Variants in AFF3 observed in about 807,000 individuals in gnomAD.
AFF3 encodes the protein AF4/FMR2 family member 3.
A neutral mutation model predicts 129.7 loss-of-function variants in AFF3; 32 were observed. The observed-to-expected ratio is 0.25, with a 90% CI of 0.19 to 0.33. The LOEUF (loss-of-function observed/expected upper bound fraction) is 0.33. AFF3 is among the 10% of genes least tolerant of loss of function. The pLI is 1.00. For synonymous variants in AFF3, 644 were observed against 635.4 expected, an observed-to-expected ratio of 1.01 and a Z score of -0.20; for missense variants, 1,373 against 1,592.0, an observed-to-expected ratio of 0.86 and a Z score of 2.34.
At chr2:100,061,396 A>G (rs1265839694) in intron 4 of AFF3, among the ~76,000 whole-genome samples, 2 of 152,144 alleles carry the variant, frequency 1.3e-5, no homozygotes, top group African/African-American at 2.4e-5. Context: ...CAGTGGCTGT[A>G]ATGGCTTCCT....
chr2:99,643,114 C>T (rs1231940939), intron 13 of AFF3, among the ~76,000 whole-genome samples: 3 of 127,640 alleles, frequency 2.4e-5, no homozygotes, highest in Non-Finnish European at 3.1e-5. Context: ...GGCTGGAGTG[C>T]AATGGTGTGA....
chr2:99,963,142 T>G (rs1395784948), intron 7 of AFF3, among the ~76,000 whole-genome samples: 1 of 151,994 alleles, frequency 6.6e-6, no homozygotes, highest in Non-Finnish European at 1.5e-5. Context: ...TCCCTGACAT[T>G]TGTCAAATAC....
chr2:99,902,206 T>C (rs1694391466), intron 7 of AFF3, among the ~76,000 whole-genome samples: 1 of 151,898 alleles, frequency 6.6e-6, no homozygotes, highest in Admixed American at 6.6e-5. Flanking sequence ...CTTTAATAAA[T>C]AGTATAAATA....
intron 11 of AFF3, among the ~76,000 whole-genome samples, chr2:99,709,192 C>T (rs899821484): frequency 3.3e-5 from 5 of 152,280 alleles, no homozygotes; most frequent in African/African-American, 9.6e-5. Context: ...GAGTTCAAGG[C>T]CAGCCCAGGC....
intron 2 of AFF3, chr2:100,105,791 A>G: frequency 1.5e-6 from 2 of 1,355,194 alleles, no homozygotes; most frequent in Non-Finnish European, 2.0e-6. Context: ...TCTTGGCCAC[A>G]GCTCCGGATT....
intron 11 of AFF3, among the ~76,000 whole-genome samples, chr2:99,696,047 T>C (rs988091730): frequency 3.3e-5 from 5 of 150,000 alleles, no homozygotes; most frequent in Admixed American, 3.3e-4. Context: ...TAGTCATCCC[T>C]TTCCCAAGAA....
At chr2:99,840,864 G>A (rs1309437618) in intron 7 of AFF3, among the ~76,000 whole-genome samples, 2 of 152,154 alleles carry the variant, frequency 1.3e-5, no homozygotes. Context: ...CGTTCATGGT[G>A]GGAATGAGTG....
intron 13 of AFF3, among the ~76,000 whole-genome samples, chr2:99,616,121 T>G (rs1265291776): frequency 6.6e-6 from 1 of 152,218 alleles, no homozygotes; most frequent in Admixed American, 6.5e-5. Flanking sequence ...GAGGCTCTAC[T>G]GTGAGGAACA....
At chr2:99,660,729 C>A (rs182883895) in intron 12 of AFF3, among the ~76,000 whole-genome samples, 2 of 152,210 alleles carry the variant, frequency 1.3e-5, no homozygotes, top group Non-Finnish European at 2.9e-5. Context: ...GGTTTTCTAG[C>A]GTGCAGATGA....
Position 99,551,416 on chromosome 2 carries a change from C to T in AFF3, c.*58G>A. On this transcript the variant is annotated 3_prime_UTR_variant, in exon 25 of 25. Coordinates refer to ENST00000672756, the MANE Select transcript of AFF3 (RefSeq NM_001386135.1). ...CTGGGAGTTTCAGTAGCACAGTGTC[C>T]AAAAACGTTGAGCCATCTGTGGAGA... is the stretch of plus-strand genomic sequence containing the variant. 1 of 1,605,104 alleles carries T rather than the reference C, an allele frequency of 6.2e-7. No individual in the cohort carries two copies. Among genetic ancestry groups the T allele is most frequent in the South Asian group, 1.1e-5 (1 of 90,570 alleles).
At chr2:99,611,541 A>G (rs1558644455) in intron 13 of AFF3, among the ~76,000 whole-genome samples, 1 of 152,002 alleles carries the variant, frequency 6.6e-6, no homozygotes, top group Non-Finnish European at 1.5e-5. Flanking sequence ...GCTGATGGAG[A>G]GGGGGCCACA....
rs572277423 is a variant in AFF3 at position 100,133,215 on chromosome 2, G to A, written c.-227-3909C>T. Among the ~76,000 whole-genome samples, 3 of 151,944 alleles carry A rather than the reference G, an allele frequency of 2.0e-5. No homozygotes were observed. In the East Asian group the frequency reaches 5.9e-4, roughly 30 times the overall value. On this transcript the variant is annotated intron_variant, in intron 1 of 24. Coordinates refer to ENST00000672756, the MANE Select transcript of AFF3 (RefSeq NM_001386135.1). ...CAGGAGTTGGAGGCTGCAGTGAACT[G>A]TGATCACCACTGCACTCCAGCCTGG... is the stretch of plus-strand genomic sequence containing the variant.
At position 100,129,259 on chromosome 2, in the gene AFF3, T is replaced by G. The variant is rs2105582420; in HGVS notation, c.-180A>C. 1 of 152,352 alleles carries G rather than the reference T, an allele frequency of 6.6e-6. No individual in the cohort carries two copies. Among genetic ancestry groups the G allele is most frequent in the South Asian group, 2.1e-4 (1 of 4,830 alleles). The allele number at this position is 152,352 out of a possible 1,614,324, so 9.4% of individuals were successfully genotyped here. A position where few individuals can be genotyped will look rare whatever the true frequency, so the allele number is the denominator to read the frequency against. ...GTTACTCCGGATTGATGCTTCCCGA[T>G]GTAAACAATGGCTGATCGTAAGGTC... On this transcript the variant is annotated 5_prime_UTR_variant, in exon 2 of 25. Coordinates refer to ENST00000672756, the MANE Select transcript of AFF3 (RefSeq NM_001386135.1).
chr2:100,026,727 A>G (rs893426210), intron 4 of AFF3, among the ~76,000 whole-genome samples: 4 of 148,250 alleles, frequency 2.7e-5, no homozygotes, highest in African/African-American at 9.8e-5. Flanking sequence ...ATATATATAT[A>G]TATAATGGAA....
chr2:99,714,046 C>T lies in AFF3; in HGVS notation c.1091+13031G>A, dbSNP rs117860913. Among the ~76,000 whole-genome samples, 105 of 152,200 alleles carry T rather than the reference C, an allele frequency of 6.9e-4. 2 individuals are homozygous for T. In the East Asian group the frequency reaches 0.02, roughly 28 times the overall value. ...CTCTCTTTTACGACCTCTGGGAACC[C>T]GGACCTTCCAATGTCGTGCCAGAAC... On this transcript the variant is annotated intron_variant, in intron 11 of 24. Transcript: ENST00000672756.
chr2:100,138,134 C>T (rs1439921530), intron 1 of AFF3, among the ~76,000 whole-genome samples: 1 of 152,180 alleles, frequency 6.6e-6, no homozygotes, highest in Non-Finnish European at 1.5e-5. Flanking sequence ...GCTGTCACCA[C>T]CAACTATCTT....
chr2:99,698,229 T>C (rs1676494458), intron 11 of AFF3, among the ~76,000 whole-genome samples: 1 of 152,230 alleles, frequency 6.6e-6, no homozygotes, highest in African/African-American at 2.4e-5. Context: ...AGTAGCTTAC[T>C]TGTGTTTTTT....
At chr2:99,974,106 G>A (rs1377570115) in intron 7 of AFF3, among the ~76,000 whole-genome samples, 1 of 152,210 alleles carries the variant, frequency 6.6e-6, no homozygotes, top group Non-Finnish European at 1.5e-5. Context: ...GGAGGTAAAT[G>A]AAAGTCAAAT....
chr2:100,022,767 C>T (rs1267955076), intron 4 of AFF3, among the ~76,000 whole-genome samples: 2 of 152,150 alleles, frequency 1.3e-5, no homozygotes, highest in Non-Finnish European at 2.9e-5. Context: ...AAGTCCAATG[C>T]CACAGGCAAT....
Sources: allele counts gnomAD v4.1 joint callset (sites outside exome capture counted in the v4.1 genomes callset), GRCh38; gene constraint gnomAD v4.1.1; transcripts MANE v1.5; gene names NCBI Gene and HGNC (gene_info 2026-07-23, HGNC 2026-07-21).